The following MARCHF1 variants were observed in gnomAD, a reference collection of about 807,000 sequenced individuals.
The protein encoded by MARCHF1 is E3 ubiquitin-protein ligase MARCHF1.
In MARCHF1, 40 loss-of-function variants were observed where a neutral mutation model predicts 54.2. The observed-to-expected ratio is 0.74, with a 90% CI of 0.57 to 0.96. The LOEUF (loss-of-function observed/expected upper bound fraction) is 0.96. Ranked by LOEUF, MARCHF1 falls within the 40% of genes least tolerant of loss-of-function variation. MARCHF1 has a pLI of 0.00. For missense variants in MARCHF1, 586 were observed against 656.5 expected (o/e 0.89, Z 1.17); for synonymous variants, 236 against 236.3 (o/e 1.00, Z 0.01).
intron 2 of MARCHF1, among the ~76,000 whole-genome samples, chr4:164,095,529 CAA>C (rs752922696): frequency 1.3e-5 from 2 of 151,772 alleles, no homozygotes; most frequent in African/African-American, 2.4e-5. Flanking sequence ...TTTATTGTGT[CAA>C]GAGTATGAAA....
At chr4:163,534,890 T>C (rs866681021) in intron 9 of MARCHF1, among the ~76,000 whole-genome samples, 1 of 152,104 alleles carries the variant, frequency 6.6e-6, no homozygotes, top group Non-Finnish European at 1.5e-5. Context: ...TACTGTATCA[T>C]GTATTCCAAT....
rs528388425 is a variant in MARCHF1, at chr4:163,789,364, G to A, written c.111+64657C>T. 7.6e-4 allele frequency among the ~76,000 whole-genome samples: 116 copies of A among 152,076 alleles called. 1 individual carries two copies. The highest frequency in any genetic ancestry group is 2.6e-3 in the African/African-American group (108 of 41,518). On this transcript the variant is annotated intron_variant, in intron 4 of 9. Coordinates refer to ENST00000514618, the MANE Select transcript of MARCHF1 (RefSeq NM_001394959.1). ...GCCTTTAGGAGGGTGGAGGGTTGGC[G>A]AAGGAGAGGATCAGGAAAAATAACA...
chr4:163,696,962 GC>G (rs1744654831), intron 5 of MARCHF1, among the ~76,000 whole-genome samples: 1 of 152,092 alleles, frequency 6.6e-6, no homozygotes, highest in Non-Finnish European at 1.5e-5. Context: ...ATATACCCAT[GC>G]TTATGGCTGT....
At chr4:164,125,444 A>G (rs1407359776) in intron 1 of MARCHF1, among the ~76,000 whole-genome samples, 1 of 152,194 alleles carries the variant, frequency 6.6e-6, no homozygotes, top group Non-Finnish European at 1.5e-5. Flanking sequence ...ATTGAGGACC[A>G]AGTTTAAGTT....
chr4:163,900,861 A>T (rs1247195489), intron 3 of MARCHF1, among the ~76,000 whole-genome samples: 1 of 152,172 alleles, frequency 6.6e-6, no homozygotes, highest in African/African-American at 2.4e-5. Context: ...ATATTAAGGG[A>T]CTAATGACAT....
At chr4:163,816,798 G>A (rs1478481732) in intron 4 of MARCHF1, among the ~76,000 whole-genome samples, 2 of 152,072 alleles carry the variant, frequency 1.3e-5, no homozygotes, top group African/African-American at 4.8e-5. Context: ...TCCATAAAGG[G>A]TTACTGAGCA....
chr4:163,875,505 C>T (rs924657418), intron 3 of MARCHF1, among the ~76,000 whole-genome samples: 3 of 151,388 alleles, frequency 2.0e-5, no homozygotes, highest in African/African-American at 7.3e-5. Context: ...CCACAACATG[C>T]TATGAGAACA....
chr4:163,941,328 G>A (rs1006103512), intron 3 of MARCHF1, among the ~76,000 whole-genome samples: 15 of 151,984 alleles, frequency 9.9e-5, no homozygotes, highest in African/African-American at 3.6e-4. Context: ...GGCACTGAAC[G>A]GAGTCAAATA....
At chr4:163,669,137 T>C (rs1362956390) in intron 5 of MARCHF1, among the ~76,000 whole-genome samples, 1 of 152,186 alleles carries the variant, frequency 6.6e-6, no homozygotes, top group Non-Finnish European at 1.5e-5. Context: ...TTACATTAAA[T>C]ACTTTATACC....
chr4:163,774,081 G>T (rs896538458), intron 4 of MARCHF1, among the ~76,000 whole-genome samples: 7 of 152,142 alleles, frequency 4.6e-5, no homozygotes, highest in African/African-American at 1.7e-4. Context: ...ACACCCAGCA[G>T]ATACTAAAAT....
At chr4:164,008,441 A>C (rs1753343480) in intron 2 of MARCHF1, among the ~76,000 whole-genome samples, 2 of 152,154 alleles carry the variant, frequency 1.3e-5, no homozygotes, top group Admixed American at 1.3e-4. Context: ...CAGAAAATAA[A>C]ATGAAAAACA....
At chr4:163,658,819 T>C (rs1319866821) in intron 5 of MARCHF1, among the ~76,000 whole-genome samples, 3 of 151,796 alleles carry the variant, frequency 2.0e-5, no homozygotes, top group Non-Finnish European at 4.4e-5. Context: ...AGGGAGAACT[T>C]TAGGAAAAAT....
intron 5 of MARCHF1, among the ~76,000 whole-genome samples, chr4:163,642,556 A>G (rs1742592500): frequency 6.6e-6 from 1 of 152,198 alleles, no homozygotes; most frequent in Admixed American, 6.5e-5. Flanking sequence ...CTTTTCATTA[A>G]GGAGACAAGT....
intron 4 of MARCHF1, among the ~76,000 whole-genome samples, chr4:163,744,057 T>C (rs75785346): frequency 0.049 from 7,536 of 152,282 alleles, 545 homozygotes; most frequent in East Asian, 0.29. Context: ...AATTTGGAAA[T>C]GGACTGTTAT....
intron 9 of MARCHF1, among the ~76,000 whole-genome samples, chr4:163,533,712 CCTTA>C (rs1237324499): frequency 2.7e-5 from 4 of 145,976 alleles, no homozygotes; most frequent in Admixed American, 1.4e-4. Flanking sequence ...TATATTAGCT[CCTTA>C]CTTGAGAGAT....
chr4:164,214,931 C>T (rs1731884751), intron 1 of MARCHF1, among the ~76,000 whole-genome samples: 1 of 152,238 alleles, frequency 6.6e-6, no homozygotes, highest in East Asian at 1.9e-4. Flanking sequence ...TCAGTGCCCC[C>T]GCCGCTCAAA....
At chr4:163,994,898 G>GT (rs1753044184) in intron 2 of MARCHF1, among the ~76,000 whole-genome samples, 1 of 151,846 alleles carries the variant, frequency 6.6e-6, no homozygotes, top group African/African-American at 2.4e-5. Context: ...TATCTTACTA[G>GT]TTTTTTCAAG....
chr4:163,693,675 G>C (rs560079110), intron 5 of MARCHF1, among the ~76,000 whole-genome samples: 1 of 151,840 alleles, frequency 6.6e-6, no homozygotes, highest in Non-Finnish European at 1.5e-5. Flanking sequence ...CAAGCTACCT[G>C]GCCATAGTAA....
intron 1 of MARCHF1, among the ~76,000 whole-genome samples, chr4:164,217,060 G>C (rs1476597695): frequency 1.3e-5 from 2 of 152,072 alleles, no homozygotes; most frequent in African/African-American, 4.8e-5. Flanking sequence ...AAAACCTATA[G>C]AGCAATCACC....
Sources: allele counts gnomAD v4.1 joint callset (sites outside exome capture counted in the v4.1 genomes callset), GRCh38; gene constraint gnomAD v4.1.1; transcripts MANE v1.5; gene names NCBI Gene and HGNC (gene_info 2026-07-23, HGNC 2026-07-21).